Variants in TNNI3K observed in about 807,000 individuals in gnomAD.
TNNI3K encodes TNNI3 interacting kinase.
TNNI3K carries 140 observed loss-of-function variants against 114.5 expected under a neutral mutation model. That is an observed-to-expected ratio of 1.22 (90% confidence interval 1.07 to 1.41). TNNI3K has a LOEUF of 1.41. Ranked by LOEUF, TNNI3K falls within the 40% of genes most tolerant of loss-of-function variation. TNNI3K has a pLI of 0.00. For synonymous variants in TNNI3K, 347 were observed against 347.5 expected (o/e 1.00, Z 0.02); for missense variants, 1,125 against 1,007.6 (o/e 1.12, Z -1.58).
chr1:74,537,909 T>C (rs1359427015), intron 23 of TNNI3K, among the ~76,000 whole-genome samples: 1 of 152,206 alleles, frequency 6.6e-6, no homozygotes, highest in African/African-American at 2.4e-5. Flanking sequence ...TATTAACTCT[T>C]TTAATTCTCA....
intron 11 of TNNI3K, among the ~76,000 whole-genome samples, chr1:74,365,220 T>C (rs1662206968): frequency 6.6e-6 from 1 of 152,110 alleles, no homozygotes; most frequent in Non-Finnish European, 1.5e-5. Flanking sequence ...AACCTGTAGA[T>C]GACGATCTTT....
intron 11 of TNNI3K, among the ~76,000 whole-genome samples, chr1:74,355,343 T>C (rs1216999538): frequency 2.6e-5 from 4 of 152,128 alleles, no homozygotes; most frequent in African/African-American, 7.2e-5. Context: ...CGGTGGCTCA[T>C]GCCTGTAATC....
chr1:74,509,102 T>G lies in TNNI3K; in HGVS notation c.2351+16836T>G, dbSNP rs1039484355. ...GACACTTTCTTCTTCTTTTTATCAC[T>G]TATTCTCTTTGAGATAGTAGAGCAC... On this transcript the variant is annotated intron_variant, in intron 23 of 24. Coordinates refer to ENST00000326637, the MANE Select transcript of TNNI3K (RefSeq NM_015978.3). 2.0e-5 allele frequency among the ~76,000 whole-genome samples: 3 copies of G among 152,234 alleles called. No individual in the cohort carries two copies. In the East Asian group the frequency reaches 5.8e-4, roughly 29 times the overall value.
chr1:74,313,664 C>A lies in TNNI3K; in HGVS notation c.445-17786C>A, dbSNP rs538090458. 2.5e-4 allele frequency among the ~76,000 whole-genome samples: 38 copies of A among 152,282 alleles called. No homozygotes were observed. In the South Asian group the frequency reaches 7.7e-3, roughly 31 times the overall value. Reference sequence around the variant, plus strand: ...TAGCACTCAGAGTTGCCCTACAGAGCTAGACTTGCCTTGCTTTCAGACATA... The same window carrying A: ...TAGCACTCAGAGTTGCCCTACAGAGATAGACTTGCCTTGCTTTCAGACATA... On this transcript the variant is annotated intron_variant, in intron 5 of 24. Coordinates refer to ENST00000326637, the MANE Select transcript of TNNI3K (RefSeq NM_015978.3).
intron 23 of TNNI3K, among the ~76,000 whole-genome samples, chr1:74,534,716 G>C (rs948423556): frequency 2.2e-5 from 3 of 136,640 alleles, no homozygotes; most frequent in Non-Finnish European, 1.7e-5. Context: ...ATTGCAACAT[G>C]AATATTCTAC....
At chr1:74,425,490 G>A (rs1187344697) in intron 17 of TNNI3K, among the ~76,000 whole-genome samples, 2 of 152,052 alleles carry the variant, frequency 1.3e-5, no homozygotes, top group Admixed American at 6.6e-5. Context: ...TTCAATTCTA[G>A]GGAAAGTTAC....
At chr1:74,364,033 G>A (rs1662126246) in intron 11 of TNNI3K, among the ~76,000 whole-genome samples, 3 of 149,100 alleles carry the variant, frequency 2.0e-5, no homozygotes. Context: ...GTCTCACCCA[G>A]GTCTAGCCCA....
intron 17 of TNNI3K, among the ~76,000 whole-genome samples, chr1:74,410,165 G>A (rs951000378): frequency 6.6e-6 from 1 of 152,012 alleles, no homozygotes; most frequent in African/African-American, 2.4e-5. Context: ...TATACAAGAG[G>A]ACCCAGGCTG....
Position 74,336,049 on chromosome 1 carries a change from T to G in TNNI3K, c.582T>G (p.Asn194Lys). The G allele has an allele frequency of 6.3e-7, 1 of 1,594,572 alleles. No homozygotes were observed. The highest frequency in any genetic ancestry group is 1.1e-5 in the South Asian group (1 of 87,200). ...TTTTGAAATTTGGTGCTGATGTAAA[T>G]GTAAGTGGTGAAGTTGGAGATAGAC... ...RLLLKFGADV[N>K]VSGEVGDRPL... Residue 194 changes from asparagine to lysine, a missense_variant, in exon 7 of 25, where the codon AAT becomes AAG. Asn to Lys is a moderately conservative substitution (Grantham distance 94, BLOSUM62 0). Transcript: ENST00000326637.
At chr1:74,521,994 A>G (rs1646439339) in intron 23 of TNNI3K, among the ~76,000 whole-genome samples, 1 of 152,170 alleles carries the variant, frequency 6.6e-6, no homozygotes, top group South Asian at 2.1e-4. Context: ...GTAGAGTAAA[A>G]AAAATTCAGA....
At chr1:74,390,512 A>G (rs1444098087) in intron 17 of TNNI3K, among the ~76,000 whole-genome samples, 1 of 152,184 alleles carries the variant, frequency 6.6e-6, no homozygotes, top group Non-Finnish European at 1.5e-5. Flanking sequence ...TGCTTTGAGC[A>G]GTAGTGATAA....
intron 23 of TNNI3K, among the ~76,000 whole-genome samples, chr1:74,537,124 T>G (rs891277212): frequency 7.2e-5 from 11 of 152,192 alleles, no homozygotes; most frequent in African/African-American, 2.7e-4. Flanking sequence ...ATTTAGCAAC[T>G]GAACAAACAG....
intron 17 of TNNI3K, among the ~76,000 whole-genome samples, chr1:74,387,100 A>C (rs1033924259): frequency 6.6e-6 from 1 of 152,218 alleles, no homozygotes; most frequent in Non-Finnish European, 1.5e-5. Context: ...TTGCTGAAAG[A>C]AAGCTGTAAT....
At chr1:74,496,986 C>T (rs923731986) in intron 23 of TNNI3K, among the ~76,000 whole-genome samples, 1 of 152,128 alleles carries the variant, frequency 6.6e-6, no homozygotes, top group African/African-American at 2.4e-5. Flanking sequence ...AGAAGAAAAC[C>T]AGGGATCCAG....
Position 74,537,353 on chromosome 1 carries a change from G to A in TNNI3K, c.2352-2881G>A, listed in dbSNP as rs553977228. Among the ~76,000 whole-genome samples the A allele has an allele frequency of 1.4e-3, 211 of 152,214 alleles. 1 individual carries two copies. Among genetic ancestry groups the A allele is most frequent in the Non-Finnish European group, 1.2e-3 (85 of 68,002 alleles). On this transcript the variant is annotated intron_variant, in intron 23 of 24. Coordinates refer to ENST00000326637, the MANE Select transcript of TNNI3K (RefSeq NM_015978.3). ...TATTGCCATATTTATTGTTGATTGAGAAAACATTATGTCCCATTTAAGCCA... is the reference window on the plus strand; with the variant it reads ...TATTGCCATATTTATTGTTGATTGAAAAAACATTATGTCCCATTTAAGCCA...
At chr1:74,358,879 A>C (rs1661800241) in intron 11 of TNNI3K, among the ~76,000 whole-genome samples, 1 of 152,050 alleles carries the variant, frequency 6.6e-6, no homozygotes, top group South Asian at 2.1e-4. Context: ...TCACATACTT[A>C]AAATGGATAG....
At chr1:74,384,515 C>A (rs1447555426) in intron 17 of TNNI3K, among the ~76,000 whole-genome samples, 2 of 152,066 alleles carry the variant, frequency 1.3e-5, no homozygotes, top group African/African-American at 4.8e-5. Flanking sequence ...AAATTTGAAC[C>A]AATACTTGCT....
chr1:74,412,113 AAGG>A (rs1664908574), intron 17 of TNNI3K, among the ~76,000 whole-genome samples: 1 of 152,152 alleles, frequency 6.6e-6, no homozygotes, highest in Admixed American at 6.5e-5. Context: ...CTTATTGAGT[AAGG>A]AGATTTGGAT....
chr1:74,431,573 C>A (rs1486488341), intron 17 of TNNI3K, among the ~76,000 whole-genome samples: 1 of 152,056 alleles, frequency 6.6e-6, no homozygotes, highest in Non-Finnish European at 1.5e-5. Flanking sequence ...AGAACCTCAG[C>A]CCAAGTCCTA....
Sources: gnomAD v4.1 joint callset for allele counts (sites outside exome capture counted in the v4.1 genomes callset) on GRCh38, gnomAD v4.1.1 for gene constraint, MANE v1.5 for transcripts, NCBI Gene and HGNC (gene_info 2026-07-23, HGNC 2026-07-21) for gene names.